Variants in IFT57 observed in about 807,000 individuals in gnomAD.
IFT57 encodes intraflagellar transport 57, also known as intraflagellar transport protein 57 homolog.
In IFT57, 59 loss-of-function variants were observed where a neutral mutation model predicts 56.8. The ratio of observed to expected loss-of-function variants is 1.04; its 90% CI spans 0.84 to 1.29. The LOEUF (loss-of-function observed/expected upper bound fraction) is 1.29, where lower values mean the gene tolerates loss of function less well. IFT57 is among the 50% of genes most tolerant of loss of function. The probability of loss-of-function intolerance (pLI) is 0.00; values close to 1 mark genes in which losing one functional copy is unlikely to be tolerated. For missense variants in IFT57, 470 were observed against 522.1 expected (o/e 0.90, Z 0.97); for synonymous variants, 209 against 186.1 (o/e 1.12, Z -1.00).
chr3:108,169,115 T>G (rs1323021581), intron 6 of IFT57, among the ~76,000 whole-genome samples: 2 of 152,054 alleles, frequency 1.3e-5, no homozygotes, highest in Non-Finnish European at 2.9e-5. Flanking sequence ...CCACCAACAG[T>G]GTAAAAGTGT....
At chr3:108,182,477 A>G (rs1034587960) in intron 6 of IFT57, among the ~76,000 whole-genome samples, 8 of 152,078 alleles carry the variant, frequency 5.3e-5, no homozygotes, top group Admixed American at 5.2e-4. Context: ...CACTGTGACT[A>G]GAGAGGCCCA....
chr3:108,164,856 C>T (rs2080051682), intron 9 of IFT57, among the ~76,000 whole-genome samples: 1 of 152,008 alleles, frequency 6.6e-6, no homozygotes, highest in South Asian at 2.1e-4. Context: ...AAACTACTGA[C>T]CTTTTTTCAA....
intron 6 of IFT57, among the ~76,000 whole-genome samples, chr3:108,187,658 T>A (rs188281972): frequency 2.7e-5 from 4 of 149,394 alleles, no homozygotes; most frequent in African/African-American, 9.8e-5. Flanking sequence ...AAAAAAAGTG[T>A]GAGAGAAAAA....
intron 6 of IFT57, among the ~76,000 whole-genome samples, chr3:108,190,715 A>G (rs1237431145): frequency 6.6e-6 from 1 of 152,258 alleles, no homozygotes; most frequent in Non-Finnish European, 1.5e-5. Flanking sequence ...AAGGAAGTAG[A>G]AACTTGATAC....
intron 6 of IFT57, among the ~76,000 whole-genome samples, chr3:108,177,274 CCAAA>C (rs1342697470): frequency 6.6e-6 from 1 of 151,418 alleles, no homozygotes; most frequent in Non-Finnish European, 1.5e-5. Flanking sequence ...CATTATCTTC[CCAAA>C]CATTTAAGAA....
intron 5 of IFT57, 75 bp from the exon 6 acceptor site, chr3:108,191,718 A>G: frequency 1.1e-6 from 1 of 926,384 alleles, no homozygotes; most frequent in Admixed American, 3.0e-5. Flanking sequence ...TTTTAGCAGT[A>G]CTGCACAATT....
intron 4 of IFT57, among the ~76,000 whole-genome samples, chr3:108,212,799 T>G (rs2108326787): frequency 6.6e-6 from 1 of 152,346 alleles, no homozygotes; most frequent in African/African-American, 2.4e-5. Context: ...TATTTTAAAC[T>G]AATTATCTAT....
intron 6 of IFT57, among the ~76,000 whole-genome samples, chr3:108,174,703 G>A (rs1162820683): frequency 1.3e-5 from 2 of 151,738 alleles, no homozygotes; most frequent in South Asian, 2.1e-4. Context: ...TGCCAGGATT[G>A]TGCAGAAGCT....
intron 6 of IFT57, among the ~76,000 whole-genome samples, chr3:108,173,270 A>C (rs2080104404): frequency 6.7e-6 from 1 of 150,274 alleles, no homozygotes; most frequent in African/African-American, 2.4e-5. Flanking sequence ...CACACACACA[A>C]AGACACTGTA....
At chr3:108,197,407 C>A (rs13318118) in intron 5 of IFT57, among the ~76,000 whole-genome samples, 14,646 of 152,060 alleles carry the variant, frequency 0.096, 766 homozygotes, top group Middle Eastern at 0.12. Context: ...ATCCTAACTG[C>A]CAAAGGAAGA....
At chr3:108,187,557 T>G (rs1011059796) in intron 6 of IFT57, among the ~76,000 whole-genome samples, 4 of 151,474 alleles carry the variant, frequency 2.6e-5, no homozygotes, top group African/African-American at 9.7e-5. Flanking sequence ...TCTTTACTTC[T>G]CTAATAATTA....
chr3:108,196,293 T>A (rs981840702), intron 5 of IFT57, among the ~76,000 whole-genome samples: 1 of 152,112 alleles, frequency 6.6e-6, no homozygotes, highest in Admixed American at 6.6e-5. Context: ...TTTCCCTCCT[T>A]ACAAGATTGA....
At chr3:108,167,031 T>G (rs1161756238) in intron 7 of IFT57, 46 bp from the exon 8 acceptor site, 1 of 1,551,092 alleles carries the variant, frequency 6.4e-7, no homozygotes, top group Admixed American at 1.9e-5. Flanking sequence ...CACAAACATA[T>G]TTTTTCAAAA....
intron 6 of IFT57, among the ~76,000 whole-genome samples, chr3:108,184,517 CA>C (rs147493630): frequency 1.9e-4 from 29 of 151,632 alleles, no homozygotes; most frequent in African/African-American, 2.4e-4. Flanking sequence ...CATAAATATA[CA>C]AAAAAAACTA....
At chr3:108,208,380 C>A (rs909931273) in intron 4 of IFT57, among the ~76,000 whole-genome samples, 3 of 152,152 alleles carry the variant, frequency 2.0e-5, no homozygotes, top group African/African-American at 4.8e-5. Flanking sequence ...GGAGAAGAGA[C>A]AAGTTTCTAA....
chr3:108,218,318 C>G (rs1289762), intron 3 of IFT57: 257,832 of 323,392 alleles, frequency 0.8, 105,914 homozygotes, highest in Non-Finnish European at 0.87. Flanking sequence ...AACAGGAAAA[C>G]GGCATAATAA....
intron 6 of IFT57, among the ~76,000 whole-genome samples, chr3:108,178,703 C>T (rs532306283): frequency 6.6e-6 from 1 of 151,904 alleles, no homozygotes; most frequent in East Asian, 1.9e-4. Flanking sequence ...CATAACATAC[C>T]TACCACAATG....
Position 108,219,461 on chromosome 3 carries a change from A to G in IFT57, c.324T>C (p.Tyr108=), listed in dbSNP as rs1175085015. 2 of 1,613,958 alleles carry G rather than the reference A, an allele frequency of 1.2e-6. No homozygotes were observed. Among genetic ancestry groups the G allele is most frequent in the Non-Finnish European group, 1.7e-6 (2 of 1,179,842 alleles). The change falls in exon 2 of 11, where the codon TAT becomes TAC. Residue 108 remains tyrosine, a synonymous_variant. Transcript: ENST00000264538. ...TAGATATTGTTGCATTAGGGTCATCATATTCTTGAGGCTGCTCAAAGGGAC... is the reference window on the plus strand; with the variant it reads ...TAGATATTGTTGCATTAGGGTCATCGTATTCTTGAGGCTGCTCAAAGGGAC... ...AGRPFEQPQE[Y]DDPNATISNI...
At chr3:108,213,128 T>G (rs2080351984) in intron 4 of IFT57, among the ~76,000 whole-genome samples, 1 of 152,024 alleles carries the variant, frequency 6.6e-6, no homozygotes, top group Non-Finnish European at 1.5e-5. Flanking sequence ...ATATAATACA[T>G]AGACAAAATA....
Sources: allele counts gnomAD v4.1 joint callset (sites outside exome capture counted in the v4.1 genomes callset), GRCh38; gene constraint gnomAD v4.1.1; transcripts MANE v1.5; gene names NCBI Gene and HGNC (gene_info 2026-07-23, HGNC 2026-07-21).